CHRNA10: variants seen among roughly 807,000 people sequenced by gnomAD.
CHRNA10 encodes cholinergic receptor nicotinic alpha 10 subunit, also known as neuronal acetylcholine receptor subunit alpha-10.
In CHRNA10, 31 loss-of-function variants were observed where a neutral mutation model predicts 36.0. The ratio of observed to expected loss-of-function variants is 0.86; its 90% CI spans 0.65 to 1.16. The LOEUF (loss-of-function observed/expected upper bound fraction) is 1.16. CHRNA10 is among the 50% of genes most tolerant of loss of function. The pLI, the probability that CHRNA10 is intolerant of heterozygous loss-of-function variation, is 0.00. For synonymous variants in CHRNA10, 302 were observed against 287.0 expected (o/e 1.05, Z -0.53); for missense variants, 648 against 640.9 (o/e 1.01, Z -0.12).
At chr11:3,671,021 T>C in intron 1 of CHRNA10, 2 of 575,300 alleles carry the variant, frequency 3.5e-6, no homozygotes, top group South Asian at 2.1e-5. Context: ...CCCTCTGATT[T>C]TCCCAGCCCT....
rs2077653743 is a variant in CHRNA10 at position 3,665,657 on chromosome 11, A to C, written c.*450T>G. On this transcript the variant is annotated 3_prime_UTR_variant, in exon 5 of 5. Coordinates refer to ENST00000250699, the MANE Select transcript of CHRNA10 (RefSeq NM_020402.4). ...ATGTCTGTAGGGCCTCCTGCTCTGG[A>C]AACTCGACTGAGAATCCCCGACCCT... 1 of 154,838 alleles carries C rather than the reference A, an allele frequency of 6.5e-6. No individual in the cohort carries two copies. The highest frequency in any genetic ancestry group is 1.9e-4 in the East Asian group (1 of 5,242). 9.6% of individuals were successfully genotyped at this position (154,838 alleles called of 1,614,324 possible). A position where few individuals can be genotyped will look rare whatever the true frequency, so the allele number is the denominator to read the frequency against.
At position 3,669,921 on chromosome 11, in the gene CHRNA10, G is replaced by A. The variant is rs139119133; in HGVS notation, c.82C>T (p.Arg28Trp). 3.3e-5 allele frequency: 54 copies of A among 1,614,010 alleles called. No homozygotes were observed. Among genetic ancestry groups the A allele is most frequent in the Non-Finnish European group, 1.5e-5 (18 of 1,180,022 alleles). ...LPAECLGAEG[R>W]LALKLFRDLF... ...TCACGGAACAGCTTGAGAGCCAGCC[G>A]GCCCTCAGCTCCCAGGCACTCTGGA... is the stretch of plus-strand genomic sequence containing the variant. The change falls in exon 2 of 5, where the codon CGG becomes TGG. Residue 28 changes from arginine to tryptophan, a missense_variant. Arg to Trp is a moderately radical substitution (Grantham distance 101). Coordinates refer to ENST00000250699, the MANE Select transcript of CHRNA10 (RefSeq NM_020402.4).
chr11:3,667,363 G>A lies in CHRNA10; in HGVS notation c.764C>T (p.Pro255Leu), dbSNP rs2231543. 1.9e-5 allele frequency: 30 copies of A among 1,601,178 alleles called. No individual in the cohort carries two copies. Among genetic ancestry groups the A allele is most frequent in the Admixed American group, 1.7e-5 (1 of 59,752 alleles). ...GTCGGCAGGCAGGTGGAAGGCGAGC[G>A]GCGCAAGCAGCGAGATGAGCACGCA... ...LPCVLISLLA[P>L]LAFHLPADSG... The change falls in exon 4 of 5, where the codon CCG becomes CTG. Residue 255 changes from proline to leucine, a missense_variant. Transcript: ENST00000250699.
rs756583689 is a variant in CHRNA10, at chr11:3,666,466, C to T, written c.994G>A (p.Val332Met). The change falls in exon 5 of 5, where the codon GTG (valine) becomes ATG (methionine). Residue 332 changes from valine to methionine, a missense_variant. Val to Met is a conservative substitution (Grantham distance 21, BLOSUM62 1). Transcript: ENST00000250699. ...AGGAGGGCCCTAGCCCAGGCTGGCACTGGGCGGACACTGGGACCACAGTAA... is the reference window on the plus strand; with the variant it reads ...AGGAGGGCCCTAGCCCAGGCTGGCATTGGGCGGACACTGGGACCACAGTAA... The part of the protein sequence containing the change: ...LHYCGPSVRP[V>M]PAWARALLLG... 1.2e-6 allele frequency: 2 copies of T among 1,613,232 alleles called. No homozygotes were observed. The highest frequency in any genetic ancestry group is 2.7e-5 in the African/African-American group (2 of 74,928).
chr11:3,667,410 G>T lies in CHRNA10; in HGVS notation c.717C>A (p.Tyr239Ter), dbSNP rs978017903. 2 of 1,598,884 alleles carry T rather than the reference G, an allele frequency of 1.3e-6. No homozygotes were observed. The highest frequency in any genetic ancestry group is 1.7e-6 in the Non-Finnish European group (2 of 1,177,212). ...CGCAGGGCAGCAGCAGGTTGCACAC[G>T]TAGGCGGCGGCGCGGCGGCGCAGCA... is the stretch of plus-strand genomic sequence containing the variant. ...TLLLRRRAAAYVCNLLLPCVL... is the reference protein window; with the variant it reads ...TLLLRRRAAA The change falls in exon 4 of 5, where the codon TAC (tyrosine) becomes TAA (stop). Residue 239 changes from tyrosine (Y) to a stop codon, truncating the protein, a stop_gained. Coordinates refer to ENST00000250699, the MANE Select transcript of CHRNA10 (RefSeq NM_020402.4). LOFTEE classifies it high-confidence loss of function.
At chr11:3,669,673 C>T in intron 2 of CHRNA10, 123 bp downstream of exon 2, 1 of 1,338,732 alleles carries the variant, frequency 7.5e-7, no homozygotes, top group South Asian at 1.2e-5. Flanking sequence ...TAACTGCTAC[C>T]TTTGTTAATA....
intron 2 of CHRNA10, 133 bp from the exon 3 acceptor site, chr11:3,669,483 G>T: frequency 8.9e-7 from 1 of 1,129,916 alleles, no homozygotes; most frequent in Non-Finnish European, 1.3e-6. Context: ...TTCCCACCCA[G>T]ACCTGACCTT....
Position 3,667,270 on chromosome 11 carries a change from G to T in CHRNA10, c.857C>A (p.Ala286Asp). Residue 286 changes from alanine (A) to aspartate (D), a missense_variant, in exon 4 of 5, where the codon GCC becomes GAC. Physicochemically the swap from Ala to Asp is moderately radical, Grantham distance 126. Transcript: ENST00000250699. ...GCTCTCGGCCGGTGGCATGCTCTCG[G>T]CCAGCAGCAACTGGAAGACGGTGAG... ...LALTVFQLLL[A>D]ESMPPAESVP... 1 of 1,595,758 alleles carries T rather than the reference G, an allele frequency of 6.3e-7. No homozygotes were observed.
chr11:3,667,757 C>T lies in CHRNA10; in HGVS notation c.370G>A (p.Ala124Thr), dbSNP rs773004798. 11 of 1,535,172 alleles carry T rather than the reference C, an allele frequency of 7.2e-6. No individual in the cohort carries two copies. The highest frequency in any genetic ancestry group is 1.2e-5 in the South Asian group (1 of 81,270). Residue 124 changes from alanine to threonine, a missense_variant, in exon 4 of 5, where the codon GCG (alanine) becomes ACG (threonine). Physicochemically the swap from Ala to Thr is moderately conservative, Grantham distance 58. Transcript: ENST00000250699. ...PDIVLYNKAD[A>T]QPPGSASTNV... ...GTGCTGGCGGAACCTGGAGGCTGCG[C>T]GTCGGCTCTGGGGGCAGGCGGGGCA...
Position 3,665,886 on chromosome 11 carries a change from CT to C in CHRNA10, c.*220del, listed in dbSNP as rs1056711879. The C allele has an allele frequency of 2.3e-4, 109 of 477,840 alleles. No homozygotes were observed. The highest frequency in any genetic ancestry group is 4.6e-4 in the South Asian group (10 of 21,758). 29.6% of individuals were successfully genotyped at this position (477,840 alleles called of 1,614,324 possible). ...TGATCTTGGCCTTTGTAGAGTTCCTCTTTTTTTTGGAATTAGGGGAGTGGCA... is the reference window on the plus strand; with the variant it reads ...TGATCTTGGCCTTTGTAGAGTTCCTCTTTTTTTGGAATTAGGGGAGTGGCA... On this transcript the variant is annotated 3_prime_UTR_variant, in exon 5 of 5. Transcript: ENST00000250699.
Position 3,671,288 on chromosome 11 carries a change from T to C in CHRNA10, c.25A>G (p.Ser9Gly). Reference sequence around the variant, plus strand: ...AGAAACAGAAGCAGAAGGCCCAGGCTGAGGTGGTGGCTCCGGAGCCCCATG... The same window carrying C: ...AGAAACAGAAGCAGAAGGCCCAGGCCGAGGTGGTGGCTCCGGAGCCCCATG... MGLRSHHL[S>G]LGLLLLFLLP... is the part of the protein sequence containing the mutation. The change falls in exon 1 of 5, where the codon AGC (serine) becomes GGC (glycine). Residue 9 changes from serine (S) to glycine (G), a missense_variant. Coordinates refer to ENST00000250699, the MANE Select transcript of CHRNA10 (RefSeq NM_020402.4). 1 of 1,614,136 alleles carries C rather than the reference T, an allele frequency of 6.2e-7. No individual in the cohort carries two copies. The highest frequency in any genetic ancestry group is 8.5e-7 in the Non-Finnish European group (1 of 1,179,988).
chr11:3,669,964 T>C (rs775284492), intron 1 of CHRNA10, 23 bp from the exon 2 acceptor site: 17 of 1,613,934 alleles, frequency 1.1e-5, no homozygotes, highest in Non-Finnish European at 1.4e-5. Flanking sequence ...TAAGGAGGGT[T>C]GTCCATCCCA....
intron 3 of CHRNA10, 27 bp downstream of exon 3, chr11:3,669,169 G>T: frequency 6.2e-7 from 1 of 1,602,288 alleles, no homozygotes; most frequent in Non-Finnish European, 8.5e-7. Context: ...AGGGGTAAGA[G>T]AGAGGAGGGG....
intron 3 of CHRNA10, 158 bp downstream of exon 3, chr11:3,669,038 G>A (rs1400865346): frequency 5.4e-6 from 4 of 740,698 alleles, no homozygotes; most frequent in Non-Finnish European, 8.5e-6. Context: ...GCCATGGAGG[G>A]GCTGAGTGCC....
At chr11:3,667,189 A>G in intron 4 of CHRNA10, 43 bp downstream of exon 4, 5 of 1,496,876 alleles carry the variant, frequency 3.3e-6, no homozygotes, top group South Asian at 2.6e-5. Flanking sequence ...CCCTGGGGGG[A>G]CCCCAGCGCA....
Position 3,666,457 on chromosome 11 carries a change from A to T in CHRNA10, c.1003T>A (p.Trp335Arg), listed in dbSNP as rs1166184615. ...CGPSVRPVPA[W>R]ARALLLGHLA... ...TGTCCCAGCAGGAGGGCCCTAGCCC[A>T]GGCTGGCACTGGGCGGACACTGGGA... is the stretch of plus-strand genomic sequence containing the variant. The change falls in exon 5 of 5, where the codon TGG becomes AGG. Residue 335 changes from tryptophan (W) to arginine (R), a missense_variant. Transcript: ENST00000250699. The T allele has an allele frequency of 6.2e-7, 1 of 1,613,634 alleles. No homozygotes were observed. The highest frequency in any genetic ancestry group is 1.1e-5 in the South Asian group (1 of 90,990).
At chr11:3,668,696 C>T (rs189972137) in intron 3 of CHRNA10, 263 of 153,098 alleles carry the variant, frequency 1.7e-3, no homozygotes, top group South Asian at 0.011. Flanking sequence ...AAAAAGGCCT[C>T]TGCAGAACCC....
At chr11:3,667,099 G>A (rs564912460) in intron 4 of CHRNA10, 133 bp downstream of exon 4, 9 of 1,367,780 alleles carry the variant, frequency 6.6e-6, no homozygotes, top group South Asian at 1.5e-5. Context: ...GTCTTAAAAT[G>A]AGGGCACGTT....
In CHRNA10 at chr11:3,669,281, A is replaced by AT; in HGVS notation, c.276dup (p.Trp93MetfsTer28). On this transcript the variant is annotated frameshift_variant, in exon 3 of 5. Coordinates refer to ENST00000250699, the MANE Select transcript of CHRNA10 (RefSeq NM_020402.4). LOFTEE classifies it high-confidence loss of function. Reference sequence around the variant, plus strand: ...AGGCCACCATAGGCATTGGGGTCCCATCGTAGGTAGGCATCTGTCCACTCC... The same window carrying AT: ...AGGCCACCATAGGCATTGGGGTCCCATTCGTAGGTAGGCATCTGTCCACTCC... 6.2e-7 allele frequency: 1 copy of AT among 1,614,084 alleles called. No individual in the cohort carries two copies. The highest frequency in any genetic ancestry group is 8.5e-7 in the Non-Finnish European group (1 of 1,179,982).
Sources: allele counts gnomAD v4.1 joint callset, GRCh38; gene constraint gnomAD v4.1.1; transcripts MANE v1.5; gene names NCBI Gene and HGNC (gene_info 2026-07-23, HGNC 2026-07-21).